LRP11: variants seen among roughly 807,000 people sequenced by gnomAD.
LRP11 encodes low-density lipoprotein receptor-related protein 11.
A neutral mutation model predicts 43.1 loss-of-function variants in LRP11; 25 were observed. That is an observed-to-expected ratio of 0.58 (90% CI 0.42 to 0.81). The LOEUF (loss-of-function observed/expected upper bound fraction) is 0.81, where lower values mean the gene tolerates loss of function less well. Among genes scored for constraint, LRP11 ranks in the 30% least tolerant of loss-of-function variants. LRP11 has a pLI of 0.00. For missense variants in LRP11, 623 were observed against 665.1 expected (o/e 0.94, Z 0.70); for synonymous variants, 316 against 299.4 (o/e 1.06, Z -0.57).
At chr6:149,823,066 C>A (rs1158783236) in intron 6 of LRP11, among the ~76,000 whole-genome samples, 2 of 108,456 alleles carry the variant, frequency 1.8e-5, no homozygotes, top group East Asian at 1.1e-3. Context: ...CAGACAAAAG[C>A]AGAGGACCAA....
At chr6:149,841,540 A>G (rs564289529) in intron 3 of LRP11, among the ~76,000 whole-genome samples, 101 of 152,326 alleles carry the variant, frequency 6.6e-4, no homozygotes, top group Non-Finnish European at 9.7e-4. Flanking sequence ...TCCCTCTACA[A>G]TACTACAATA....
At chr6:149,826,576 C>T (rs1776341958) in intron 5 of LRP11, among the ~76,000 whole-genome samples, 1 of 146,134 alleles carries the variant, frequency 6.8e-6, no homozygotes, top group South Asian at 2.2e-4. Flanking sequence ...AAACCACCGA[C>T]AGAGAGAGCG....
intron 5 of LRP11, among the ~76,000 whole-genome samples, chr6:149,834,449 CT>C (rs1776447238): frequency 6.6e-6 from 1 of 152,216 alleles, no homozygotes; most frequent in Admixed American, 6.5e-5. Context: ...GGTCTCGACT[CT>C]ACTTTCAGCT....
chr6:149,825,657 ATTTTT>A (rs3036632), intron 6 of LRP11, among the ~76,000 whole-genome samples: 1 of 141,614 alleles, frequency 7.1e-6, no homozygotes, highest in Non-Finnish European at 1.5e-5. Flanking sequence ...GTAAGTGAGA[ATTTTT>A]TTTTTTTTTT....
intron 1 of LRP11, among the ~76,000 whole-genome samples, chr6:149,859,397 T>TATATATATATATATA (rs1491456220): frequency 1.4e-4 from 10 of 72,968 alleles, no homozygotes; most frequent in East Asian, 1.1e-3. Flanking sequence ...TATATATATA[T>TATATATATATATATA]TTTTTTTTTT....
intron 1 of LRP11, among the ~76,000 whole-genome samples, chr6:149,859,918 T>A (rs116836600): frequency 0.015 from 2,278 of 152,254 alleles, 50 homozygotes; most frequent in African/African-American, 0.052. Flanking sequence ...TTAAAAAAAA[T>A]TTAATTCTTT....
intron 5 of LRP11, among the ~76,000 whole-genome samples, chr6:149,832,191 C>CTTTTTTTTT (rs5880854): frequency 1.8e-4 from 23 of 130,130 alleles, no homozygotes; most frequent in African/African-American, 6.9e-4. Flanking sequence ...TGAGCTAAGT[C>CTTTTTTTTT]TTTTTTTTTT....
chr6:149,864,253 C>T lies in LRP11; in HGVS notation c.-233G>A, dbSNP rs1286746655. 1 of 1,080,566 alleles carries T rather than the reference C, an allele frequency of 9.3e-7. No individual in the cohort carries two copies. Among genetic ancestry groups the T allele is most frequent in the Non-Finnish European group, 1.1e-6 (1 of 892,898 alleles). 66.9% of individuals were successfully genotyped at this position (1,080,566 alleles called of 1,614,324 possible). On this transcript the variant is annotated 5_prime_UTR_variant, in exon 1 of 7. Coordinates refer to ENST00000239367, the MANE Select transcript of LRP11 (RefSeq NM_032832.6). Reference sequence around the variant, plus strand: ...CCAGCCGGGCACCGCTCCTTGCCCTCGCCGGAGACTGCCCAGCGCCCTGCG... The same window carrying T: ...CCAGCCGGGCACCGCTCCTTGCCCTTGCCGGAGACTGCCCAGCGCCCTGCG...
chr6:149,839,066 T>TG (rs60457798), intron 3 of LRP11, among the ~76,000 whole-genome samples: 24 of 150,672 alleles, frequency 1.6e-4, no homozygotes, highest in African/African-American at 6.0e-4. Context: ...TTTTTGTTTT[T>TG]TTTTTTTTTG....
intron 5 of LRP11, among the ~76,000 whole-genome samples, chr6:149,830,259 C>T (rs1191187608): frequency 6.6e-6 from 1 of 152,128 alleles, no homozygotes; most frequent in African/African-American, 2.4e-5. Flanking sequence ...GATCCACCCG[C>T]CGTGGCCTCC....
Position 149,864,110 on chromosome 6 carries a change from C to T in LRP11, c.-90G>A. 6 of 1,193,000 alleles carry T rather than the reference C, an allele frequency of 5.0e-6. No homozygotes were observed. Among genetic ancestry groups the T allele is most frequent in the Non-Finnish European group, 6.2e-6 (6 of 964,352 alleles). The allele number at this position is 1,193,000 out of a possible 1,614,324, so 73.9% of individuals were successfully genotyped here. ...GGCGAGCGCGGGCCCTGGGCCCCTCCTGCGCGGCCGCGGCTGGCTCTAGGC... is the reference window on the plus strand; with the variant it reads ...GGCGAGCGCGGGCCCTGGGCCCCTCTTGCGCGGCCGCGGCTGGCTCTAGGC... On this transcript the variant is annotated 5_prime_UTR_variant, in exon 1 of 7. Transcript: ENST00000239367.
intron 5 of LRP11, among the ~76,000 whole-genome samples, chr6:149,829,156 G>A (rs866893866): frequency 6.6e-6 from 1 of 152,076 alleles, no homozygotes; most frequent in Non-Finnish European, 1.5e-5. Flanking sequence ...CGTACTGCCA[G>A]GTTAGCTTGC....
Position 149,859,910 on chromosome 6 carries a change from A to T in LRP11, c.613+3498T>A, listed in dbSNP as rs990563415. 3.5e-4 allele frequency among the ~76,000 whole-genome samples: 53 copies of T among 151,904 alleles called. 1 individual carries two copies. The highest frequency in any genetic ancestry group is 1.2e-3 in the African/African-American group (48 of 41,270). On this transcript the variant is annotated intron_variant, in intron 1 of 6. Transcript: ENST00000239367. Reference sequence around the variant, plus strand: ...TATGGAGTAATCTATGGCTTAATTTAAAAAAAATTTAATTCTTTAATCCAT... The same window carrying T: ...TATGGAGTAATCTATGGCTTAATTTTAAAAAAATTTAATTCTTTAATCCAT...
Position 149,853,001 on chromosome 6 carries a change from A to G in LRP11, c.771+2T>C. 1 of 1,585,250 alleles carries G rather than the reference A, an allele frequency of 6.3e-7. No homozygotes were observed. Among genetic ancestry groups the G allele is most frequent in the Non-Finnish European group, 8.6e-7 (1 of 1,168,722 alleles). ...TTTGTTAGCAGTGACAACATGCGTTACCTTCATGTCCACTGACGGGTCCCC... is the reference window on the plus strand; with the variant it reads ...TTTGTTAGCAGTGACAACATGCGTTGCCTTCATGTCCACTGACGGGTCCCC... On this transcript the variant is annotated splice_donor_variant, in intron 2 of 6. Coordinates refer to ENST00000239367, the MANE Select transcript of LRP11 (RefSeq NM_032832.6). LOFTEE classifies it high-confidence loss of function.
At chr6:149,849,062 T>C (rs1776682194) in intron 2 of LRP11, among the ~76,000 whole-genome samples, 1 of 152,176 alleles carries the variant, frequency 6.6e-6, no homozygotes, top group Non-Finnish European at 1.5e-5. Context: ...CTGAAAGAAA[T>C]TCATTTCTGC....
chr6:149,839,579 G>A (rs1776518574), intron 3 of LRP11, among the ~76,000 whole-genome samples: 1 of 152,136 alleles, frequency 6.6e-6, no homozygotes, highest in African/African-American at 2.4e-5. Context: ...TCTATTTTTG[G>A]ATTAGCAGCC....
chr6:149,823,423 G>T (rs1285897568), intron 6 of LRP11, among the ~76,000 whole-genome samples: 1 of 152,162 alleles, frequency 6.6e-6, no homozygotes, highest in East Asian at 1.9e-4. Context: ...AGGGGCTTTA[G>T]CCAGATCAGG....
intron 2 of LRP11, among the ~76,000 whole-genome samples, chr6:149,850,335 G>C (rs1776699794): frequency 6.6e-6 from 1 of 152,200 alleles, no homozygotes; most frequent in Non-Finnish European, 1.5e-5. Flanking sequence ...TCTCCTGGCA[G>C]AAATGTTGGG....
At position 149,824,667 on chromosome 6, in the gene LRP11, C is replaced by T. The variant is rs577437580; in HGVS notation, c.1348+1597G>A. Among the ~76,000 whole-genome samples, 157 of 152,128 alleles carry T rather than the reference C, an allele frequency of 1.0e-3. 1 individual carries two copies. Among genetic ancestry groups the T allele is most frequent in the South Asian group, 4.2e-3 (20 of 4,816 alleles). On this transcript the variant is annotated intron_variant, in intron 6 of 6. Coordinates refer to ENST00000239367, the MANE Select transcript of LRP11 (RefSeq NM_032832.6). ...TGAGGTCAGAAGTTTTGAGACCAGC[C>T]TGGCCAACATGGCAAAACCCCATCT... is the stretch of plus-strand genomic sequence containing the variant.
Sources: allele counts gnomAD v4.1 joint callset (sites outside exome capture counted in the v4.1 genomes callset), GRCh38; gene constraint gnomAD v4.1.1; transcripts MANE v1.5; gene names NCBI Gene and HGNC (gene_info 2026-07-23, HGNC 2026-07-21).